The following FER variants were observed in gnomAD, a reference collection of about 807,000 sequenced individuals.
The protein encoded by FER is FER tyrosine kinase.
Under a neutral mutation model 111.0 loss-of-function variants are expected in FER, and 63 were observed. That is an observed-to-expected ratio of 0.57 (90% CI 0.46 to 0.70). FER has a LOEUF of 0.70. FER is among the 30% of genes least tolerant of loss of function. The pLI, the probability that FER is intolerant of heterozygous loss-of-function variation, is 0.00. For missense variants in FER, 914 were observed against 954.0 expected (o/e 0.96, Z 0.55); for synonymous variants, 327 against 313.9 (o/e 1.04, Z -0.44).
intron 13 of FER, among the ~76,000 whole-genome samples, chr5:109,019,846 A>C (rs969669643): frequency 2.6e-5 from 4 of 151,902 alleles, no homozygotes; most frequent in Non-Finnish European, 2.9e-5. Context: ...TTTATATATA[A>C]AAAATGTTTT....
intron 13 of FER, among the ~76,000 whole-genome samples, chr5:108,976,952 T>A (rs1761433013): frequency 6.6e-6 from 1 of 152,196 alleles, no homozygotes; most frequent in African/African-American, 2.4e-5. Context: ...CCCATGGTGT[T>A]ATTCAAGGTT....
At chr5:108,913,054 CCAAATA>C (rs1751772499) in intron 10 of FER, among the ~76,000 whole-genome samples, 1 of 151,934 alleles carries the variant, frequency 6.6e-6, no homozygotes, top group African/African-American at 2.4e-5. Context: ...AAGCTACTTG[CCAAATA>C]CAAATACCTC....
intron 3 of FER, among the ~76,000 whole-genome samples, chr5:108,810,541 G>C (rs761316636): frequency 6.6e-6 from 1 of 152,204 alleles, no homozygotes; most frequent in Non-Finnish European, 1.5e-5. Flanking sequence ...AACCTCCTCA[G>C]CCCCAAGTTC....
chr5:108,910,642 C>T (rs546301218), intron 10 of FER, among the ~76,000 whole-genome samples: 7 of 152,160 alleles, frequency 4.6e-5, no homozygotes, highest in East Asian at 1.9e-4. Flanking sequence ...TCTCCCACTT[C>T]GCCCTTTAGG....
At chr5:108,781,830 C>G (rs946516597) in intron 2 of FER, among the ~76,000 whole-genome samples, 1 of 152,104 alleles carries the variant, frequency 6.6e-6, no homozygotes, top group African/African-American at 2.4e-5. Flanking sequence ...TAAATAGTTT[C>G]TCCTGAAGGA....
chr5:109,169,745 C>T (rs1384290365), intron 17 of FER, among the ~76,000 whole-genome samples: 1 of 152,136 alleles, frequency 6.6e-6, no homozygotes, highest in Non-Finnish European at 1.5e-5. Flanking sequence ...GAAGAGTTTG[C>T]CATTTGCCAC....
chr5:109,069,835 C>T (rs1775561625), intron 16 of FER, among the ~76,000 whole-genome samples: 1 of 151,954 alleles, frequency 6.6e-6, no homozygotes, highest in Non-Finnish European at 1.5e-5. Context: ...AAATAAAAAC[C>T]TTAAATGTAA....
intron 17 of FER, among the ~76,000 whole-genome samples, chr5:109,157,877 G>A (rs1755572434): frequency 6.6e-6 from 1 of 152,064 alleles, no homozygotes; most frequent in Non-Finnish European, 1.5e-5. Flanking sequence ...AGTTCTGCAC[G>A]AAGCTGACAT....
chr5:109,053,382 CAAAAA>C (rs779550084), intron 16 of FER, among the ~76,000 whole-genome samples: 1 of 80,212 alleles, frequency 1.2e-5, no homozygotes. Flanking sequence ...GACTCCGTCT[CAAAAA>C]AAAAAAAAAA....
intron 17 of FER, among the ~76,000 whole-genome samples, chr5:109,168,975 A>G (rs1226966535): frequency 1.3e-5 from 2 of 152,194 alleles, no homozygotes; most frequent in African/African-American, 4.8e-5. Context: ...CTTTTATGTA[A>G]CTGTGGTCTG....
chr5:108,946,241 C>G lies in FER; in HGVS notation c.1329+19C>G. On this transcript the variant is annotated intron_variant, in intron 11 of 19. Transcript: ENST00000281092. The stretch of plus-strand genomic sequence containing the variant: ...TTCAGCAGTAAGTAGGATTAACTCT[C>G]TGTGCTACTGAAAATGGTCATTGTC... 1 of 1,551,762 alleles carries G rather than the reference C, an allele frequency of 6.4e-7. No homozygotes were observed. The highest frequency in any genetic ancestry group is 8.9e-7 in the Non-Finnish European group (1 of 1,125,444).
At position 109,187,670 on chromosome 5, in the gene FER, TTCGACAG is replaced by T; in HGVS notation, c.*98_*104del. On this transcript the variant is annotated 3_prime_UTR_variant, in exon 20 of 20. Transcript: ENST00000281092. ...AACAATGAATTTATACCACATTACC[TTCGACAG>T]TCTTCTACCATTATTTTTTATTAAC... 7.3e-7 allele frequency: 1 copy of T among 1,373,368 alleles called. No homozygotes were observed. The highest frequency in any genetic ancestry group is 1.0e-6 in the Non-Finnish European group (1 of 996,612). The allele number at this position is 1,373,368 out of a possible 1,614,324, so 85.1% of individuals were successfully genotyped here.
At chr5:108,993,163 A>G (rs376128839) in intron 13 of FER, among the ~76,000 whole-genome samples, 4 of 152,270 alleles carry the variant, frequency 2.6e-5, no homozygotes, top group African/African-American at 4.8e-5. Context: ...CTGCAATCTC[A>G]GCACTTTGGG....
chr5:109,176,331 C>T (rs543635228), intron 17 of FER, among the ~76,000 whole-genome samples: 10 of 152,232 alleles, frequency 6.6e-5, no homozygotes, highest in Non-Finnish European at 8.8e-5. Context: ...TCATTTGCAG[C>T]AACATGGATG....
chr5:108,938,022 T>TCACACACA (rs1201322146), intron 10 of FER, among the ~76,000 whole-genome samples: 21 of 77,746 alleles, frequency 2.7e-4, no homozygotes, highest in African/African-American at 6.0e-4. Flanking sequence ...TCCCTATCTC[T>TCACACACA]CTCTCACACA....
intron 16 of FER, among the ~76,000 whole-genome samples, chr5:109,094,792 A>G (rs542886548): frequency 1.3e-5 from 2 of 152,172 alleles, no homozygotes; most frequent in Non-Finnish European, 2.9e-5. Context: ...CAGTAATATC[A>G]CCAAAATCAC....
At chr5:109,036,657 T>G (rs1022217219) in intron 13 of FER, among the ~76,000 whole-genome samples, 2 of 152,064 alleles carry the variant, frequency 1.3e-5, no homozygotes, top group African/African-American at 4.8e-5. Context: ...TCTCTTTCTT[T>G]CCTTTTTATT....
chr5:108,782,617 A>T (rs1023528594), intron 2 of FER: 3 of 151,984 alleles, frequency 2.0e-5, no homozygotes, highest in Non-Finnish European at 2.9e-5. Context: ...GTAAGTCCAT[A>T]ATCCTTTTGA....
chr5:109,161,234 A>G (rs1755959301), intron 17 of FER, among the ~76,000 whole-genome samples: 1 of 152,086 alleles, frequency 6.6e-6, no homozygotes, highest in Non-Finnish European at 1.5e-5. Flanking sequence ...ATATTTGTAG[A>G]TTTAAAATTA....
Sources: allele counts gnomAD v4.1 joint callset (sites outside exome capture counted in the v4.1 genomes callset), GRCh38; gene constraint gnomAD v4.1.1; transcripts MANE v1.5; gene names NCBI Gene and HGNC (gene_info 2026-07-23, HGNC 2026-07-21).